The following SLC47A1 variants were observed in gnomAD, a reference collection of about 807,000 sequenced individuals.
SLC47A1 encodes the protein multidrug and toxin extrusion protein 1.
In SLC47A1, 58 loss-of-function variants were observed where a neutral mutation model predicts 65.8. The ratio of observed to expected loss-of-function variants is 0.88; its 90% confidence interval spans 0.71 to 1.10. The LOEUF is 1.10. Among genes scored for constraint, SLC47A1 ranks in the 50% least tolerant of loss-of-function variants. The probability of loss-of-function intolerance (pLI) is 0.00; values close to 1 mark genes in which losing one functional copy is unlikely to be tolerated. For missense variants in SLC47A1, 706 were observed against 719.2 expected, an observed-to-expected ratio of 0.98 and a Z score of 0.21; for synonymous variants, 285 against 295.0, an observed-to-expected ratio of 0.97 and a Z score of 0.35.
At chr17:19,546,911 G>C (rs2152313182) in intron 3 of SLC47A1, 1 of 173,084 alleles carries the variant, frequency 5.8e-6, no homozygotes, top group African/African-American at 2.4e-5. Context: ...TGGGTGAAAG[G>C]GGAAGGAGGG....
At chr17:19,556,145 A>C in intron 10 of SLC47A1, 83 bp downstream of exon 10, 1 of 1,451,602 alleles carries the variant, frequency 6.9e-7, no homozygotes. Context: ...GAGCACAGGC[A>C]TTCGTACATG....
intron 2 of SLC47A1, among the ~76,000 whole-genome samples, chr17:19,544,835 C>T (rs891905755): frequency 2.0e-5 from 3 of 152,176 alleles, no homozygotes; most frequent in African/African-American, 7.2e-5. Flanking sequence ...TAGGCTTTTC[C>T]CCTTCCAAAC....
intron 1 of SLC47A1, among the ~76,000 whole-genome samples, chr17:19,538,426 C>T (rs752474309): frequency 2.6e-5 from 4 of 152,234 alleles, no homozygotes; most frequent in Admixed American, 6.5e-5. Flanking sequence ...CATCACTATC[C>T]GGGGAAAAGA....
At chr17:19,559,024 G>A (rs1264870881) in intron 10 of SLC47A1, among the ~76,000 whole-genome samples, 2 of 152,050 alleles carry the variant, frequency 1.3e-5, no homozygotes, top group Non-Finnish European at 1.5e-5. Context: ...AATTTTTCAA[G>A]TGGTAACTTT....
At chr17:19,550,037 A>C (rs1916403357) in intron 5 of SLC47A1, among the ~76,000 whole-genome samples, 1 of 152,198 alleles carries the variant, frequency 6.6e-6, no homozygotes, top group South Asian at 2.1e-4. Flanking sequence ...GCTGCGTTTG[A>C]CCACACAGAA....
At position 19,571,547 on chromosome 17, in the gene SLC47A1, T is replaced by C; in HGVS notation, c.1379T>C (p.Leu460Pro). ...TGTTTTCTAGGCTTTATTATTCAGC[T>C]AAATTGGAAAAAAGCCTGTCAGCAG... is the stretch of plus-strand genomic sequence containing the variant. ...AVCFLGFIIQ[L>P]NWKKACQQAQ... Residue 460 changes from leucine to proline, a missense_variant, in exon 15 of 17, where the codon CTA becomes CCA. Leu to Pro is a moderately conservative substitution (Grantham distance 98). Transcript: ENST00000270570. The C allele has an allele frequency of 1.9e-6, 3 of 1,614,034 alleles. No homozygotes were observed. The highest frequency in any genetic ancestry group is 2.5e-6 in the Non-Finnish European group (3 of 1,179,940).
At chr17:19,545,199 ATTTT>A (rs112985126) in intron 2 of SLC47A1, among the ~76,000 whole-genome samples, 1 of 147,616 alleles carries the variant, frequency 6.8e-6, no homozygotes, top group African/African-American at 2.5e-5. Context: ...TTAATAAAAA[ATTTT>A]TTTTTTTTTG....
At chr17:19,572,295 T>C (rs1327716882) in intron 15 of SLC47A1, among the ~76,000 whole-genome samples, 1 of 152,098 alleles carries the variant, frequency 6.6e-6, no homozygotes, top group African/African-American at 2.4e-5. Flanking sequence ...CAGCCTTTTC[T>C]GTTTTCTTTT....
In SLC47A1 at chr17:19,577,357, C is replaced by T. The variant is rs545938856; in HGVS notation, c.1517C>T (p.Thr506Met). Residue 506 changes from threonine (T) to methionine (M), a missense_variant, in exon 17 of 17, where the codon ACG (threonine) becomes ATG (methionine). Thr to Met is a moderately conservative substitution (Grantham distance 81). Coordinates refer to ENST00000270570, the MANE Select transcript of SLC47A1 (RefSeq NM_018242.3). The stretch of plus-strand genomic sequence containing the variant: ...CCTGAAAACCTTGAAGGAATTTTAA[C>T]GAACGATGTTGGAAAGACAGGCGAG... ...GCPENLEGIL[T>M]NDVGKTGEPQ... The T allele has an allele frequency of 6.2e-6, 10 of 1,614,104 alleles. No homozygotes were observed. The highest frequency in any genetic ancestry group is 4.5e-5 in the East Asian group (2 of 44,874).
At chr17:19,542,940 C>T (rs1290884152) in intron 2 of SLC47A1, among the ~76,000 whole-genome samples, 1 of 149,026 alleles carries the variant, frequency 6.7e-6, no homozygotes, top group African/African-American at 2.5e-5. Context: ...TACAGGCGTG[C>T]GCCACCACAC....
intron 4 of SLC47A1, among the ~76,000 whole-genome samples, chr17:19,549,399 A>G (rs2453571): frequency 0.18 from 27,657 of 151,862 alleles, 2,667 homozygotes; most frequent in East Asian, 0.4. Flanking sequence ...GGGTTTTACT[A>G]TGTTAGCCAG....
intron 1 of SLC47A1, among the ~76,000 whole-genome samples, chr17:19,540,877 C>CACACACACACACACACACACACA (rs59709153): frequency 6.7e-6 from 1 of 148,550 alleles, no homozygotes; most frequent in Admixed American, 6.7e-5. Flanking sequence ...CACACACACA[C>CACACACACACACACACACACACA]CCCTAGGGTT....
intron 10 of SLC47A1, 68 bp downstream of exon 10, chr17:19,556,130 T>C (rs1916603304): frequency 1.9e-6 from 3 of 1,540,266 alleles, no homozygotes; most frequent in African/African-American, 1.4e-5. Flanking sequence ...AAAGAGTCTA[T>C]GGATGAGCAC....
chr17:19,572,570 C>T, intron 15 of SLC47A1, among the ~76,000 whole-genome samples: 1 of 152,090 alleles, frequency 6.6e-6, no homozygotes, highest in Non-Finnish European at 1.5e-5. Context: ...AATCCTCTCT[C>T]CTCAGCCCCC....
chr17:19,563,264 C>T (rs1453653104), intron 12 of SLC47A1, among the ~76,000 whole-genome samples: 1 of 150,420 alleles, frequency 6.6e-6, no homozygotes, highest in Non-Finnish European at 1.5e-5. Context: ...TCCCAAGTAG[C>T]TGGGACTACA....
intron 3 of SLC47A1, 84 bp from the exon 4 acceptor site, chr17:19,547,901 G>A: frequency 2.1e-6 from 3 of 1,447,062 alleles, no homozygotes; most frequent in Middle Eastern, 1.9e-4. Flanking sequence ...CTGCTTCTTT[G>A]TGTGGCACAA....
chr17:19,554,707 C>T (rs1174364433), intron 6 of SLC47A1, among the ~76,000 whole-genome samples: 1 of 152,186 alleles, frequency 6.6e-6, no homozygotes, highest in Non-Finnish European at 1.5e-5. Context: ...TACTTTGAGA[C>T]ACCAAACAGT....
chr17:19,533,858 C>A lies in SLC47A1; in HGVS notation c.-82C>A. On this transcript the variant is annotated 5_prime_UTR_variant, in exon 1 of 17. Transcript: ENST00000270570. ...AGGCTGCACTGCGCGGTACCCACTGCCGGCCTGCGCGGTACTCACTGCCGG... is the reference window on the plus strand; with the variant it reads ...AGGCTGCACTGCGCGGTACCCACTGACGGCCTGCGCGGTACTCACTGCCGG... 1.5e-6 allele frequency: 2 copies of A among 1,366,862 alleles called. No homozygotes were observed. The highest frequency in any genetic ancestry group is 1.9e-6 in the Non-Finnish European group (2 of 1,060,016). The allele number at this position is 1,366,862 out of a possible 1,614,324, so 84.7% of individuals were successfully genotyped here.
chr17:19,574,132 A>G (rs1259673123), intron 16 of SLC47A1, among the ~76,000 whole-genome samples: 1 of 151,940 alleles, frequency 6.6e-6, no homozygotes, highest in Non-Finnish European at 1.5e-5. Flanking sequence ...CACGTTGGTC[A>G]GGCTGGTCTC....
Sources: allele counts gnomAD v4.1 joint callset (sites outside exome capture counted in the v4.1 genomes callset), GRCh38; gene constraint gnomAD v4.1.1; transcripts MANE v1.5; gene names NCBI Gene and HGNC (gene_info 2026-07-23, HGNC 2026-07-21).